ABTB2: variants seen among roughly 807,000 people sequenced by gnomAD.
ABTB2 encodes the protein ankyrin repeat and BTB domain containing 2, also known as ankyrin repeat and BTB/POZ domain-containing protein 2.
A neutral mutation model predicts 104.1 loss-of-function variants in ABTB2; 56 were observed. The observed-to-expected ratio is 0.54, with a 90% CI of 0.43 to 0.67. ABTB2 has a LOEUF of 0.67. Among genes scored for constraint, ABTB2 ranks in the 30% least tolerant of loss-of-function variants. The pLI is 0.00. For synonymous variants in ABTB2, 606 were observed against 608.2 expected, an observed-to-expected ratio of 1.00 and a Z score of 0.05; for missense variants, 1,279 against 1,407.7, an observed-to-expected ratio of 0.91 and a Z score of 1.46.
At chr11:34,343,460 C>CAG (rs1018860157) in intron 1 of ABTB2, among the ~76,000 whole-genome samples, 70 of 59,080 alleles carry the variant, frequency 1.2e-3, no homozygotes, top group African/African-American at 1.7e-3. Context: ...GACAGACAGA[C>CAG]ACACACACAC....
intron 1 of ABTB2, among the ~76,000 whole-genome samples, chr11:34,339,531 G>C (rs567993083): frequency 8.3e-4 from 127 of 152,304 alleles, no homozygotes; most frequent in African/African-American, 2.9e-3. Flanking sequence ...TGGTCGCCTG[G>C]GAGGGCCCTC....
chr11:34,165,265 G>A lies in ABTB2; in HGVS notation c.1847C>T (p.Ala616Val), dbSNP rs762559436. ...YAETPLQLAS[A>V]AGNYELVSLL... ...TCCGGGTAGCAGGTGCCTACCTGCCGCAGAGGCCAGCTGCAGGGGCGTCTC... is the reference window on the plus strand; with the variant it reads ...TCCGGGTAGCAGGTGCCTACCTGCCACAGAGGCCAGCTGCAGGGGCGTCTC... Residue 616 changes from alanine to valine, a missense_variant, in exon 8 of 17, where the codon GCG becomes GTG. Physicochemically the swap from Ala to Val is moderately conservative, Grantham distance 64. Transcript: ENST00000435224. 18 of 1,551,066 alleles carry A rather than the reference G, an allele frequency of 1.2e-5. No homozygotes were observed. Among genetic ancestry groups the A allele is most frequent in the East Asian group, 2.4e-5 (1 of 41,030 alleles).
intron 9 of ABTB2, among the ~76,000 whole-genome samples, chr11:34,163,732 T>C (rs79423899): frequency 1.3e-3 from 203 of 152,328 alleles, no homozygotes; most frequent in African/African-American, 4.6e-3. Flanking sequence ...GTGGACTTGC[T>C]AGTTCAGGCA....
intron 1 of ABTB2, among the ~76,000 whole-genome samples, chr11:34,309,468 C>T (rs1009952397): frequency 6.6e-6 from 1 of 152,130 alleles, no homozygotes; most frequent in Non-Finnish European, 1.5e-5. Flanking sequence ...ACGGGCATTA[C>T]CGTGCTCAAC....
rs748354766 is a variant in ABTB2 at position 34,173,145 on chromosome 11, T to C, written c.1397+10A>G. ...GGATGCCGGGGCCCTCCCTCCTCCC[T>C]GGTTCATACTTGAGCTGCCGAGGTT... On this transcript the variant is annotated intron_variant, in intron 4 of 16. Coordinates refer to ENST00000435224, the MANE Select transcript of ABTB2 (RefSeq NM_145804.3). 39 of 1,613,506 alleles carry C rather than the reference T, an allele frequency of 2.4e-5. 1 individual carries two copies. The South Asian group carries it at 4.1e-4, about 17-fold the overall frequency.
intron 1 of ABTB2, among the ~76,000 whole-genome samples, chr11:34,208,989 ACT>A (rs1853443474): frequency 6.6e-6 from 1 of 151,602 alleles, no homozygotes; most frequent in African/African-American, 2.4e-5. Flanking sequence ...CTCTTCAATG[ACT>A]CTCTGTTAGC....
intron 1 of ABTB2, among the ~76,000 whole-genome samples, chr11:34,314,882 T>A (rs1051285547): frequency 2.0e-5 from 3 of 152,180 alleles, no homozygotes; most frequent in Non-Finnish European, 4.4e-5. Context: ...TCCATGAGGC[T>A]AACCCTGTTC....
intron 1 of ABTB2, among the ~76,000 whole-genome samples, chr11:34,248,109 A>ATTTTTTTTTTTTTTTTTTTTTT (rs1854008190): frequency 1.5e-5 from 1 of 67,884 alleles, no homozygotes; most frequent in African/African-American, 1.0e-4. Flanking sequence ...AAAAAAAAAA[A>ATTTTTTTTTTTTTTTTTTTTTT]AAAAAAAAAA....
At chr11:34,337,191 C>T (rs146018176) in intron 1 of ABTB2, among the ~76,000 whole-genome samples, 217 of 152,348 alleles carry the variant, frequency 1.4e-3, no homozygotes, top group East Asian at 5.2e-3. Flanking sequence ...GCAGCACTTC[C>T]GGAACCTGGC....
chr11:34,224,008 A>G (rs943807382), intron 1 of ABTB2, among the ~76,000 whole-genome samples: 6 of 152,076 alleles, frequency 3.9e-5, no homozygotes, highest in African/African-American at 1.2e-4. Context: ...GGTTCAGAAG[A>G]GACTAAGAGG....
chr11:34,298,455 A>T (rs1854654523), intron 1 of ABTB2, among the ~76,000 whole-genome samples: 1 of 144,306 alleles, frequency 6.9e-6, no homozygotes, highest in African/African-American at 2.8e-5. Flanking sequence ...TTTTAAATTT[A>T]AAAAAATTAA....
intron 1 of ABTB2, among the ~76,000 whole-genome samples, chr11:34,302,923 T>A (rs1481258049): frequency 2.0e-5 from 3 of 152,196 alleles, no homozygotes; most frequent in Admixed American, 2.0e-4. Context: ...GGGTAGTTGG[T>A]GCTTCACTGG....
At chr11:34,244,084 G>A (rs1319474956) in intron 1 of ABTB2, among the ~76,000 whole-genome samples, 1 of 152,202 alleles carries the variant, frequency 6.6e-6, no homozygotes. Context: ...TAGCCCTGGA[G>A]ATAGAAAAGA....
intron 1 of ABTB2, among the ~76,000 whole-genome samples, chr11:34,251,866 G>A (rs911972301): frequency 6.6e-6 from 1 of 152,108 alleles, no homozygotes; most frequent in East Asian, 1.9e-4. Flanking sequence ...GAGCTTGAAC[G>A]ATAGAAAAAG....
intron 3 of ABTB2, among the ~76,000 whole-genome samples, chr11:34,196,192 T>C (rs997785223): frequency 6.6e-6 from 1 of 151,982 alleles, no homozygotes; most frequent in Non-Finnish European, 1.5e-5. Flanking sequence ...GTACGAGTTA[T>C]AAAAAAAATA....
Position 34,170,975 on chromosome 11 carries a change from C to A in ABTB2, c.1494G>T (p.Gly498=). ...QDLGFRMLNC[G]RTDLINQAIE... ...TGGCTTGGTTGATGAGGTCCGTCCTCCCACAGTTGAGCATGCGGAAACCCA... is the reference window on the plus strand; with the variant it reads ...TGGCTTGGTTGATGAGGTCCGTCCTACCACAGTTGAGCATGCGGAAACCCA... The change falls in exon 5 of 17, where the codon GGG becomes GGT. Residue 498 remains glycine, a synonymous_variant. Transcript: ENST00000435224. The A allele has an allele frequency of 6.2e-7, 1 of 1,614,216 alleles. No homozygotes were observed. The highest frequency in any genetic ancestry group is 8.5e-7 in the Non-Finnish European group (1 of 1,180,050).
chr11:34,258,222 C>G (rs1205254734), intron 1 of ABTB2, among the ~76,000 whole-genome samples: 1 of 152,224 alleles, frequency 6.6e-6, no homozygotes, highest in Admixed American at 6.5e-5. Context: ...CTGATCCCAA[C>G]AGTTCTCCAC....
At chr11:34,166,220 C>G (rs745807) in intron 7 of ABTB2, among the ~76,000 whole-genome samples, 6,199 of 152,306 alleles carry the variant, frequency 0.041, 415 homozygotes, top group African/African-American at 0.14. Flanking sequence ...ACCGCCCTTC[C>G]CCTGGATACC....
At chr11:34,335,460 G>A in intron 1 of ABTB2, 1 of 793,408 alleles carries the variant, frequency 1.3e-6, no homozygotes, top group Non-Finnish European at 2.2e-6. Flanking sequence ...ATTATTCTTA[G>A]TTTTCTGTGT....
Sources: gnomAD v4.1 joint callset for allele counts (sites outside exome capture counted in the v4.1 genomes callset) on GRCh38, gnomAD v4.1.1 for gene constraint, MANE v1.5 for transcripts, NCBI Gene and HGNC (gene_info 2026-07-23, HGNC 2026-07-21) for gene names.